Variants in ARMH3 observed in about 807,000 individuals in gnomAD.
ARMH3 encodes the protein armadillo-like helical domain-containing protein 3.
Under a neutral mutation model 99.1 loss-of-function variants are expected in ARMH3, and 60 were observed. The ratio of observed to expected loss-of-function variants is 0.61; its 90% CI spans 0.49 to 0.75. ARMH3 has a LOEUF of 0.75. Among genes scored for constraint, ARMH3 ranks in the 30% least tolerant of loss-of-function variants. ARMH3 has a pLI of 0.00. For synonymous variants in ARMH3, 285 were observed against 292.8 expected (o/e 0.97, Z 0.27); for missense variants, 679 against 843.1 (o/e 0.81, Z 2.41).
intron 8 of ARMH3, among the ~76,000 whole-genome samples, chr10:102,019,986 C>T (rs897859412): frequency 1.3e-5 from 2 of 151,356 alleles, no homozygotes; most frequent in Admixed American, 6.6e-5. Flanking sequence ...TTTAGGAGGC[C>T]AAGGCAGGTG....
chr10:101,852,281 G>C (rs2066621629), intron 24 of ARMH3, among the ~76,000 whole-genome samples: 1 of 152,230 alleles, frequency 6.6e-6, no homozygotes. Flanking sequence ...CGCAGGTAAG[G>C]CTGCTTTGAT....
At chr10:102,033,210 A>T in intron 3 of ARMH3, 38 bp from the exon 4 acceptor site, 1 of 1,613,878 alleles carries the variant, frequency 6.2e-7, no homozygotes, top group Non-Finnish European at 8.5e-7. Flanking sequence ...GTGCATTTTT[A>T]GCTTAGCGCC....
At chr10:101,987,539 G>A (rs984015238) in intron 19 of ARMH3, among the ~76,000 whole-genome samples, 12 of 152,166 alleles carry the variant, frequency 7.9e-5, no homozygotes, top group African/African-American at 2.9e-4. Flanking sequence ...GTACCAGCCT[G>A]CAAGATGGAC....
Position 101,896,895 on chromosome 10 carries a change from C to A in ARMH3, c.1782-7405G>T, listed in dbSNP as rs561135043. On this transcript the variant is annotated intron_variant, in intron 23 of 25. Coordinates refer to ENST00000370033, the MANE Select transcript of ARMH3 (RefSeq NM_024541.3). ...GGGCACATGCTCAGGAAGGACTGAC[C>A]CTACCTGGAGGTGAGAAGAGTCCAA... 2.6e-5 allele frequency among the ~76,000 whole-genome samples: 4 copies of A among 152,226 alleles called. No homozygotes were observed. In the South Asian group the frequency reaches 8.3e-4, roughly 32 times the overall value.
chr10:101,965,759 T>C (rs1202066928), intron 20 of ARMH3, among the ~76,000 whole-genome samples: 4 of 152,238 alleles, frequency 2.6e-5, no homozygotes, highest in Non-Finnish European at 4.4e-5. Context: ...AAGTCTTTCA[T>C]ACCAGGCCCC....
intron 1 of ARMH3, among the ~76,000 whole-genome samples, chr10:102,053,787 T>C (rs1009267116): frequency 2.0e-5 from 3 of 151,972 alleles, no homozygotes; most frequent in Non-Finnish European, 4.4e-5. Flanking sequence ...AGCCTCCTAG[T>C]AGCTGGCACT....
At chr10:101,856,760 C>T (rs2066747081) in intron 24 of ARMH3, among the ~76,000 whole-genome samples, 1 of 152,140 alleles carries the variant, frequency 6.6e-6, no homozygotes, top group South Asian at 2.1e-4. Context: ...CCATTTCTTC[C>T]ACAAAGCAGG....
Position 102,011,715 on chromosome 10 carries a change from G to A in ARMH3, c.831+8C>T, listed in dbSNP as rs777022006. The A allele has an allele frequency of 6.9e-6, 11 of 1,599,706 alleles. No individual in the cohort carries two copies. The highest frequency in any genetic ancestry group is 6.8e-6 in the Non-Finnish European group (8 of 1,173,402). ...TTTTTCAGGAGAAAAAAAAAAAGCA[G>A]GACTTACCATATTTGTTAAAGCAGA... On this transcript the variant is annotated splice_region_variant and intron_variant, in intron 11 of 25. Transcript: ENST00000370033.
At chr10:102,012,067 A>C (rs1241356595) in intron 10 of ARMH3, among the ~76,000 whole-genome samples, 1 of 152,202 alleles carries the variant, frequency 6.6e-6, no homozygotes, top group Non-Finnish European at 1.5e-5. Flanking sequence ...TACTTCTCAA[A>C]CAATCTATTA....
intron 22 of ARMH3, among the ~76,000 whole-genome samples, chr10:101,943,180 A>C (rs1284278354): frequency 6.6e-6 from 1 of 152,222 alleles, no homozygotes; most frequent in Non-Finnish European, 1.5e-5. Context: ...GTGGGGCAGA[A>C]AGCTGGCAAG....
intron 23 of ARMH3, among the ~76,000 whole-genome samples, chr10:101,919,919 T>C (rs962476971): frequency 6.6e-6 from 1 of 152,182 alleles, no homozygotes; most frequent in African/African-American, 2.4e-5. Flanking sequence ...CTGGCATTTT[T>C]GTTCAGTGTT....
intron 16 of ARMH3, among the ~76,000 whole-genome samples, chr10:101,994,388 G>T (rs1846956391): frequency 6.6e-6 from 1 of 152,166 alleles, no homozygotes; most frequent in Non-Finnish European, 1.5e-5. Flanking sequence ...CAGAGAACAT[G>T]AAGAGAGAGA....
chr10:101,912,537 A>G (rs1284886471), intron 23 of ARMH3, among the ~76,000 whole-genome samples: 2 of 152,020 alleles, frequency 1.3e-5, no homozygotes, highest in African/African-American at 4.8e-5. Context: ...GTATCCTACA[A>G]CTCTGCTGAG....
At chr10:101,991,603 ACTCCTGAC>A (rs1846799148) in intron 18 of ARMH3, among the ~76,000 whole-genome samples, 1 of 151,338 alleles carries the variant, frequency 6.6e-6, no homozygotes. Flanking sequence ...CTGATCTCAA[ACTCCTGAC>A]CTCAAGTGAT....
chr10:101,985,430 G>A (rs1846456509), intron 19 of ARMH3, among the ~76,000 whole-genome samples: 1 of 151,414 alleles, frequency 6.6e-6, no homozygotes, highest in Admixed American at 6.6e-5. Context: ...ATATATACTG[G>A]AGGCCAGGCA....
chr10:101,966,134 A>C (rs1590099827), intron 20 of ARMH3, among the ~76,000 whole-genome samples: 2 of 121,324 alleles, frequency 1.6e-5, no homozygotes, highest in African/African-American at 6.5e-5. Context: ...ACAGAGTCTC[A>C]CTCTGTCACC....
chr10:101,911,398 T>C (rs1384525023), intron 23 of ARMH3, among the ~76,000 whole-genome samples: 1 of 151,932 alleles, frequency 6.6e-6, no homozygotes, highest in Non-Finnish European at 1.5e-5. Flanking sequence ...TGCGACATCT[T>C]GTGCCAGAAA....
At chr10:102,045,024 T>TA (rs2067512397) in intron 1 of ARMH3, among the ~76,000 whole-genome samples, 1 of 148,930 alleles carries the variant, frequency 6.7e-6, no homozygotes, top group African/African-American at 2.5e-5. Flanking sequence ...TAATCCCAGA[T>TA]ACTCGGGACG....
At chr10:101,990,675 G>A (rs1306931391) in intron 18 of ARMH3, 64 bp from the exon 19 acceptor site, 34 of 1,369,724 alleles carry the variant, frequency 2.5e-5, no homozygotes, top group Non-Finnish European at 3.5e-5. Flanking sequence ...TCTTTGAGTT[G>A]GAAAAAAAGC....
Sources: allele counts gnomAD v4.1 joint callset (sites outside exome capture counted in the v4.1 genomes callset), GRCh38; gene constraint gnomAD v4.1.1; transcripts MANE v1.5; gene names NCBI Gene and HGNC (gene_info 2026-07-23, HGNC 2026-07-21).